The following KLF17 variants were observed in gnomAD, a reference collection of about 807,000 sequenced individuals.
KLF17 encodes the protein Krueppel-like factor 17.
Under a neutral mutation model 34.2 loss-of-function variants are expected in KLF17, and 31 were observed. The ratio of observed to expected loss-of-function variants is 0.91; its 90% confidence interval spans 0.68 to 1.22. The LOEUF (loss-of-function observed/expected upper bound fraction) is 1.22, where lower values mean the gene tolerates loss of function less well. Ranked by LOEUF, KLF17 falls within the 50% of genes most tolerant of loss-of-function variation. The probability of loss-of-function intolerance (pLI) is 0.00; values close to 1 mark genes in which losing one functional copy is unlikely to be tolerated. For synonymous variants in KLF17, 179 were observed against 186.7 expected (o/e 0.96, Z 0.34); for missense variants, 478 against 505.2 (o/e 0.95, Z 0.52).
the KLF17 span, chr1:44,110,725 A>T: frequency 6.6e-6 from 1 of 152,130 alleles, no homozygotes; most frequent in East Asian, 1.9e-4. Context: ...TAAATAAATA[A>T]GGTTAGCTAA....
At chr1:44,099,745 C>T in the KLF17 span, among the ~76,000 whole-genome samples, 16 of 132,074 alleles carry the variant, frequency 1.2e-4, no homozygotes, top group African/African-American at 3.2e-4. Flanking sequence ...ACCCAGGTGG[C>T]GGAGGTTGTG....
chr1:44,058,948 G>A, the KLF17 span, among the ~76,000 whole-genome samples: 2 of 151,954 alleles, frequency 1.3e-5, no homozygotes, highest in Non-Finnish European at 2.9e-5. Flanking sequence ...CAATCAACCA[G>A]GAGACTTAGT....
the KLF17 span, among the ~76,000 whole-genome samples, chr1:44,086,216 C>G: frequency 6.6e-6 from 1 of 152,348 alleles, no homozygotes. Flanking sequence ...CCTGTAATCC[C>G]AGCACTTTGG....
Position 44,133,806 on chromosome 1 carries a change from G to C in KLF17, c.*569G>C, listed in dbSNP as rs2088139504. ...CAGTATACCTGGGATGGACATCCAG[G>C]TGCCCTTCATCCAAGCTCCTATGTG... is the stretch of plus-strand genomic sequence containing the variant. On this transcript the variant is annotated 3_prime_UTR_variant, in exon 4 of 4. Coordinates refer to ENST00000372299, the MANE Select transcript of KLF17 (RefSeq NM_173484.4). The C allele has an allele frequency of 6.6e-6, 1 of 152,272 alleles. No individual in the cohort carries two copies. Among genetic ancestry groups the C allele is most frequent in the African/African-American group, 2.4e-5 (1 of 41,444 alleles). 9.4% of individuals were successfully genotyped at this position (152,272 alleles called of 1,614,324 possible).
In KLF17 at chr1:44,130,268, G is replaced by C. The variant is rs550941156; in HGVS notation, c.925+72G>C. 17 of 1,537,830 alleles carry C rather than the reference G, an allele frequency of 1.1e-5. No individual in the cohort carries two copies. The East Asian group carries it at 3.8e-4, about 35-fold the overall frequency. The stretch of plus-strand genomic sequence containing the variant: ...TTAGATTTGTCCTGGGCCACTGGTG[G>C]GTAATTGTTTGGGATGAGCCTTTCA... On this transcript the variant is annotated intron_variant, in intron 2 of 3. Coordinates refer to ENST00000372299, the MANE Select transcript of KLF17 (RefSeq NM_173484.4).
the KLF17 span, among the ~76,000 whole-genome samples, chr1:44,045,764 C>A: frequency 6.6e-6 from 1 of 152,196 alleles, no homozygotes; most frequent in Non-Finnish European, 1.5e-5. Flanking sequence ...CTTTCACACA[C>A]AACCCAGTGT....
At chr1:44,089,153 GA>G in the KLF17 span, among the ~76,000 whole-genome samples, 2 of 152,192 alleles carry the variant, frequency 1.3e-5, no homozygotes, top group East Asian at 3.9e-4. Context: ...TGTGTTGGGG[GA>G]AAAATGCAGC....
At chr1:44,099,849 GA>G in the KLF17 span, among the ~76,000 whole-genome samples, 3 of 34,780 alleles carry the variant, frequency 8.6e-5, no homozygotes, top group South Asian at 1.3e-3. Context: ...AAGAAAGAAA[GA>G]AAGAAAGAAA....
the KLF17 span, among the ~76,000 whole-genome samples, chr1:44,091,564 G>A: frequency 6.7e-6 from 1 of 149,606 alleles, no homozygotes; most frequent in Non-Finnish European, 1.5e-5. Context: ...GCTGAGGTAG[G>A]AGAATCTCTT....
At chr1:44,066,467 C>T in the KLF17 span, among the ~76,000 whole-genome samples, 14 of 149,286 alleles carry the variant, frequency 9.4e-5, no homozygotes, top group Admixed American at 8.7e-4. Context: ...CTCAAGCAAT[C>T]CTCCCACCTC....
the KLF17 span, among the ~76,000 whole-genome samples, chr1:44,049,678 T>C: frequency 6.6e-6 from 1 of 152,188 alleles, no homozygotes; most frequent in South Asian, 2.1e-4. Context: ...GGATGGGGTT[T>C]CACCAGGTGG....
chr1:44,053,679 G>A, the KLF17 span, among the ~76,000 whole-genome samples: 1 of 152,186 alleles, frequency 6.6e-6, no homozygotes, highest in African/African-American at 2.4e-5. Context: ...CACAAGATAT[G>A]TGCCTTTTTC....
the KLF17 span, among the ~76,000 whole-genome samples, chr1:44,060,350 C>T: frequency 6.6e-6 from 1 of 152,104 alleles, no homozygotes; most frequent in South Asian, 2.1e-4. Flanking sequence ...TACCTGTAAT[C>T]CCAGCTACTC....
At chr1:44,131,430 T>A (rs2088108291) in intron 3 of KLF17, among the ~76,000 whole-genome samples, 1 of 152,230 alleles carries the variant, frequency 6.6e-6, no homozygotes, top group Admixed American at 6.5e-5. Context: ...CAGACTATTT[T>A]CAAATCCTGA....
Position 44,118,957 on chromosome 1 carries a change from G to C in KLF17, c.50G>C (p.Ser17Thr), listed in dbSNP as rs1392486329. Residue 17 changes from serine to threonine, a missense_variant, in exon 1 of 4, where the codon AGC (serine) becomes ACC (threonine). By Grantham distance (58) the Ser-to-Thr change is moderately conservative. Transcript: ENST00000372299. ...AEMEQEAGEL[S>T]RWQAAHQAAQ... ...ATGGAACAGGAGGCTGGGGAGCTGA[G>C]CCGGTGGCAGGCGGCGCACCAGGCT... is the stretch of plus-strand genomic sequence containing the variant. The C allele has an allele frequency of 6.2e-7, 1 of 1,611,758 alleles. No individual in the cohort carries two copies. Among genetic ancestry groups the C allele is most frequent in the South Asian group, 1.1e-5 (1 of 90,668 alleles).
At chr1:44,093,270 G>A in the KLF17 span, among the ~76,000 whole-genome samples, 35 of 152,276 alleles carry the variant, frequency 2.3e-4, no homozygotes, top group Admixed American at 1.6e-3. Flanking sequence ...ACATGTGGGC[G>A]TACCCTATAG....
At chr1:44,114,835 G>A (rs931548232), upstream of KLF17, 1 of 152,146 alleles carries the variant, frequency 6.6e-6, no homozygotes, top group Non-Finnish European at 1.5e-5. Flanking sequence ...AATTGCTGTA[G>A]ATACTGAATT....
chr1:44,086,026 G>C, the KLF17 span, among the ~76,000 whole-genome samples: 1 of 152,156 alleles, frequency 6.6e-6, no homozygotes, highest in East Asian at 1.9e-4. Flanking sequence ...AATGCTGCTG[G>C]TCTTCCAGTA....
intron 3 of KLF17, among the ~76,000 whole-genome samples, chr1:44,130,959 G>T (rs567350280): frequency 2.3e-4 from 35 of 152,144 alleles, no homozygotes; most frequent in African/African-American, 8.2e-4. Flanking sequence ...CCAGGCCCGG[G>T]TAATTTTTTG....
Sources: allele counts gnomAD v4.1 joint callset (sites outside exome capture counted in the v4.1 genomes callset), GRCh38; gene constraint gnomAD v4.1.1; transcripts MANE v1.5; gene names NCBI Gene and HGNC (gene_info 2026-07-23, HGNC 2026-07-21).